Variants in CPED1 observed in about 807,000 individuals in gnomAD.
CPED1 encodes cadherin-like and PC-esterase domain-containing protein 1.
CPED1 carries 114 observed loss-of-function variants against 128.2 expected under a neutral mutation model. That is an observed-to-expected ratio of 0.89 (90% CI 0.76 to 1.04). The LOEUF (loss-of-function observed/expected upper bound fraction) is 1.04. Among genes scored for constraint, CPED1 ranks in the 50% least tolerant of loss-of-function variants. CPED1 has a pLI of 0.00. For missense variants in CPED1, 1,211 were observed against 1,207.1 expected (o/e 1.00, Z -0.05); for synonymous variants, 462 against 426.7 (o/e 1.08, Z -1.02).
At chr7:121,088,708 C>T (rs946818523) in intron 5 of CPED1, among the ~76,000 whole-genome samples, 5 of 125,076 alleles carry the variant, frequency 4.0e-5, no homozygotes, top group Non-Finnish European at 8.1e-5. Flanking sequence ...GGCTTAAATT[C>T]TCCCTGCAAA....
chr7:121,203,878 C>A (rs1158197932), intron 16 of CPED1, among the ~76,000 whole-genome samples: 3 of 152,048 alleles, frequency 2.0e-5, no homozygotes, highest in African/African-American at 7.2e-5. Flanking sequence ...TTGTCAGTTG[C>A]GTGTCACATG....
intron 16 of CPED1, among the ~76,000 whole-genome samples, chr7:121,216,976 T>C (rs953210140): frequency 1.3e-5 from 2 of 152,094 alleles, no homozygotes; most frequent in Admixed American, 6.6e-5. Context: ...TGCATTTTTT[T>C]GGAGAGTTAT....
chr7:121,267,428 C>G (rs1209611231), intron 21 of CPED1, 126 bp downstream of exon 21: 4 of 466,016 alleles, frequency 8.6e-6, no homozygotes, highest in Non-Finnish European at 1.5e-5. Context: ...AGAGATTGTG[C>G]TTTAAGTTCC....
chr7:121,127,139 A>G lies in CPED1; in HGVS notation c.1184A>G (p.Asp395Gly), dbSNP rs1475595121. The change falls in exon 10 of 23, where the codon GAC (aspartate) becomes GGC (glycine). Residue 395 changes from aspartate to glycine, a missense_variant. Coordinates refer to ENST00000310396, the MANE Select transcript of CPED1 (RefSeq NM_024913.5). The part of the protein sequence containing the change: ...FQDYDNMDFE[D>G]QNTEEFLLND... ...GATTATGATAATATGGATTTTGAGG[A>G]CCAAAATACAGAAGAATTCCTTTTA... 6.3e-7 allele frequency: 1 copy of G among 1,598,444 alleles called. No homozygotes were observed. Among genetic ancestry groups the G allele is most frequent in the African/African-American group, 1.3e-5 (1 of 74,548 alleles).
intron 5 of CPED1, among the ~76,000 whole-genome samples, chr7:121,097,472 T>G (rs533460832): frequency 2.0e-5 from 3 of 152,280 alleles, no homozygotes; most frequent in Admixed American, 6.5e-5. Context: ...ATGAAATCAA[T>G]TATTACAGTT....
intron 7 of CPED1, among the ~76,000 whole-genome samples, chr7:121,107,306 T>G (rs1312327348): frequency 6.6e-6 from 1 of 151,772 alleles, no homozygotes; most frequent in Non-Finnish European, 1.5e-5. Context: ...AAATATCTTC[T>G]GATGACAGGA....
intron 18 of CPED1, among the ~76,000 whole-genome samples, chr7:121,255,504 C>T (rs1278822801): frequency 6.6e-6 from 1 of 151,936 alleles, no homozygotes; most frequent in East Asian, 1.9e-4. Flanking sequence ...AGGACTGGAA[C>T]AAAACAGGTA....
At chr7:121,288,001 T>A (rs1176080189) in intron 22 of CPED1, among the ~76,000 whole-genome samples, 1 of 152,172 alleles carries the variant, frequency 6.6e-6, no homozygotes, top group Non-Finnish European at 1.5e-5. Flanking sequence ...TTCCTTGGAT[T>A]TTCAGGGTAA....
At chr7:121,137,735 C>CATTCT (rs760469865) in intron 14 of CPED1, among the ~76,000 whole-genome samples, 15 of 151,942 alleles carry the variant, frequency 9.9e-5, no homozygotes, top group Non-Finnish European at 2.1e-4. Flanking sequence ...ATCTCCTACC[C>CATTCT]CCAGAAAAAT....
At chr7:121,252,709 A>G (rs1432365497) in intron 18 of CPED1, among the ~76,000 whole-genome samples, 3 of 152,208 alleles carry the variant, frequency 2.0e-5, no homozygotes, top group Non-Finnish European at 2.9e-5. Context: ...AAACACACGA[A>G]AAAATGCTCA....
chr7:121,009,417 A>G (rs1210762017), intron 2 of CPED1, among the ~76,000 whole-genome samples: 1 of 152,020 alleles, frequency 6.6e-6, no homozygotes, highest in Admixed American at 6.6e-5. Flanking sequence ...CAGCCTTGGC[A>G]AGGTGGTAAA....
chr7:121,116,282 T>C (rs1795232619), intron 7 of CPED1, among the ~76,000 whole-genome samples: 1 of 152,312 alleles, frequency 6.6e-6, no homozygotes, highest in South Asian at 2.1e-4. Context: ...TTTTGGAGTT[T>C]TTAATATAAT....
intron 4 of CPED1, among the ~76,000 whole-genome samples, chr7:121,059,882 C>A (rs1793607029): frequency 6.6e-6 from 1 of 152,356 alleles, no homozygotes; most frequent in East Asian, 1.9e-4. Context: ...ACTTCAGGAG[C>A]CCTTCAGCCC....
chr7:121,058,593 A>G (rs1279812995), intron 4 of CPED1, among the ~76,000 whole-genome samples: 3 of 152,222 alleles, frequency 2.0e-5, no homozygotes, highest in African/African-American at 7.2e-5. Context: ...AAGACCTCCT[A>G]GCTAATAAAA....
At chr7:121,081,749 CTTG>C (rs1430192082) in intron 5 of CPED1, among the ~76,000 whole-genome samples, 2 of 152,028 alleles carry the variant, frequency 1.3e-5, no homozygotes, top group Non-Finnish European at 2.9e-5. Flanking sequence ...TCGCTTTTGG[CTTG>C]TTGTGTAGAT....
intron 16 of CPED1, among the ~76,000 whole-genome samples, chr7:121,150,030 A>G (rs1386750893): frequency 1.3e-5 from 2 of 152,136 alleles, no homozygotes; most frequent in Non-Finnish European, 2.9e-5. Context: ...AAGAGATCTT[A>G]GATACGAAGT....
At chr7:121,053,553 A>C (rs1041650771) in intron 4 of CPED1, among the ~76,000 whole-genome samples, 1 of 152,070 alleles carries the variant, frequency 6.6e-6, no homozygotes, top group African/African-American at 2.4e-5. Context: ...TGTTTGTTGG[A>C]TTTTTCCCCA....
intron 18 of CPED1, among the ~76,000 whole-genome samples, chr7:121,257,196 A>G (rs1791902226): frequency 1.3e-5 from 2 of 152,020 alleles, no homozygotes; most frequent in South Asian, 4.1e-4. Flanking sequence ...ACCTGCACAC[A>G]TACGCCATAT....
At chr7:121,238,937 T>TCC (rs887551044) in intron 17 of CPED1, among the ~76,000 whole-genome samples, 72 of 152,030 alleles carry the variant, frequency 4.7e-4, no homozygotes, top group African/African-American at 1.5e-3. Flanking sequence ...CCAACCTCCC[T>TCC]CCCATCCACA....
Sources: gnomAD v4.1 joint callset for allele counts (sites outside exome capture counted in the v4.1 genomes callset) on GRCh38, gnomAD v4.1.1 for gene constraint, MANE v1.5 for transcripts, NCBI Gene and HGNC (gene_info 2026-07-23, HGNC 2026-07-21) for gene names.